Variants in WDR41 observed in about 807,000 individuals in gnomAD.
The protein encoded by WDR41 is WD repeat domain 41.
In WDR41, 63 loss-of-function variants were observed where a neutral mutation model predicts 69.3. The ratio of observed to expected loss-of-function variants is 0.91; its 90% CI spans 0.74 to 1.12. WDR41 has a LOEUF of 1.12. Among genes scored for constraint, WDR41 ranks in the 50% most tolerant of loss-of-function variants. The pLI, the probability that WDR41 is intolerant of heterozygous loss-of-function variation, is 0.00. For missense variants in WDR41, 543 were observed against 534.5 expected (o/e 1.02, Z -0.16); for synonymous variants, 185 against 192.1 (o/e 0.96, Z 0.31).
chr5:77,484,714 G>A (rs573831932), intron 2 of WDR41, among the ~76,000 whole-genome samples: 1 of 152,174 alleles, frequency 6.6e-6, no homozygotes, highest in African/African-American at 2.4e-5. Context: ...GTATGTTCAT[G>A]CAAGTTAAAA....
rs60442242 is a variant in WDR41 at position 77,442,894 on chromosome 5, CAA to C, written c.698-1899_698-1898del. ...GCGACAGAGCGAGACTCTGTCTCCC[CAA>C]AAAAAAAAAAAAAAAAAGGATTTTT... On this transcript the variant is annotated intron_variant, in intron 8 of 12. Coordinates refer to ENST00000296679, the MANE Select transcript of WDR41 (RefSeq NM_018268.4). Among the ~76,000 whole-genome samples, 49 of 56,264 alleles carry C rather than the reference CAA, an allele frequency of 8.7e-4. 1 individual carries two copies. Among genetic ancestry groups the C allele is most frequent in the South Asian group, 4.0e-3 (4 of 994 alleles). The allele number at this position is 56,264 out of a possible 152,430, so 36.9% of individuals were successfully genotyped here. A position where few individuals can be genotyped will look rare whatever the true frequency, so the allele number is the denominator to read the frequency against.
Position 77,580,083 on chromosome 5 carries a change from TAGATTAGA to T in WDR41, c.42+40388_42+40395del, listed in dbSNP as rs1287721264. Among the ~76,000 whole-genome samples, 12 of 151,900 alleles carry T rather than the reference TAGATTAGA, an allele frequency of 7.9e-5. No individual in the cohort carries two copies. In the East Asian group the frequency reaches 9.7e-4, roughly 12 times the overall value. On this transcript the variant is annotated intron_variant, in intron 1 of 5. Transcript: ENST00000509971. Reference sequence around the variant, plus strand: ...TATAAGAGTAACATTGATAGATAGATAGATTAGATAGATAGACATTATTGAAATTAAAC... The same window carrying T: ...TATAAGAGTAACATTGATAGATAGATTAGATAGACATTATTGAAATTAAAC...
At chr5:77,552,518 T>C (rs1319462648) in intron 1 of WDR41, among the ~76,000 whole-genome samples, 1 of 152,222 alleles carries the variant, frequency 6.6e-6, no homozygotes, top group Non-Finnish European at 1.5e-5. Context: ...CAATATTTTT[T>C]TCATAGACCG....
rs143614449 is a variant in WDR41, at chr5:77,466,010, G to A, written c.168-1201C>T. On this transcript the variant is annotated intron_variant, in intron 2 of 12. Coordinates refer to ENST00000296679, the MANE Select transcript of WDR41 (RefSeq NM_018268.4). ...CAGTTCTTATTTCAAAATCCTTTGA[G>A]TACATCTACTACTGGTAGAACCAAG... Among the ~76,000 whole-genome samples, 915 of 151,928 alleles carry A rather than the reference G, an allele frequency of 6.0e-3. 6 individuals are homozygous for A. The highest frequency in any genetic ancestry group is 0.011 in the South Asian group (53 of 4,818).
chr5:77,602,809 GT>G (rs1744348574), intron 1 of WDR41, among the ~76,000 whole-genome samples: 1 of 151,946 alleles, frequency 6.6e-6, no homozygotes, highest in African/African-American at 2.4e-5. Context: ...TCTACTTTTA[GT>G]TTTTTGTTTG....
At chr5:77,585,893 G>A (rs1239750641) in intron 1 of WDR41, among the ~76,000 whole-genome samples, 1 of 152,064 alleles carries the variant, frequency 6.6e-6, no homozygotes, top group Non-Finnish European at 1.5e-5. Context: ...TGGGTGATGA[G>A]TGCACCAAAA....
chr5:77,567,062 A>T (rs1743645810), intron 1 of WDR41, among the ~76,000 whole-genome samples: 1 of 152,166 alleles, frequency 6.6e-6, no homozygotes, highest in Non-Finnish European at 1.5e-5. Context: ...GCTAAAAACA[A>T]ATGAGGTAGA....
intron 8 of WDR41, 42 bp from the exon 9 acceptor site, chr5:77,441,039 CT>C (rs769873644): frequency 2.6e-5 from 42 of 1,598,954 alleles, no homozygotes; most frequent in Non-Finnish European, 3.3e-5. Context: ...ATCATTTTAT[CT>C]ATGTAAAGAT....
At chr5:77,511,333 T>C (rs2112172760) in intron 1 of WDR41, among the ~76,000 whole-genome samples, 1 of 152,344 alleles carries the variant, frequency 6.6e-6, no homozygotes, top group African/African-American at 2.4e-5. Context: ...TGTGCATTCC[T>C]ACTAATGAGT....
intron 2 of WDR41, among the ~76,000 whole-genome samples, chr5:77,466,992 A>C (rs1561747666): frequency 1.3e-5 from 2 of 151,818 alleles, no homozygotes; most frequent in Non-Finnish European, 1.5e-5. Context: ...GATAACAAAA[A>C]ACTAGCTATA....
At chr5:77,485,640 T>A (rs185183443) in intron 2 of WDR41, among the ~76,000 whole-genome samples, 1 of 152,322 alleles carries the variant, frequency 6.6e-6, no homozygotes, top group East Asian at 1.9e-4. Flanking sequence ...GCTAGAGTAT[T>A]ACATGAAATT....
intron 2 of WDR41, among the ~76,000 whole-genome samples, chr5:77,482,438 T>A (rs1471319824): frequency 6.6e-6 from 1 of 152,202 alleles, no homozygotes; most frequent in Non-Finnish European, 1.5e-5. Context: ...TTCTAATGAT[T>A]TTTTTCTCCA....
chr5:77,517,597 T>G (rs2112184564), intron 1 of WDR41, among the ~76,000 whole-genome samples: 1 of 149,038 alleles, frequency 6.7e-6, no homozygotes, highest in Admixed American at 6.7e-5. Flanking sequence ...ACTAGAAAAT[T>G]CTAACATATT....
chr5:77,514,024 T>C (rs912693759), intron 1 of WDR41, among the ~76,000 whole-genome samples: 5 of 152,140 alleles, frequency 3.3e-5, no homozygotes, highest in Non-Finnish European at 5.9e-5. Flanking sequence ...CTTCCCTACA[T>C]GTGTTATGCT....
intron 1 of WDR41, among the ~76,000 whole-genome samples, chr5:77,560,716 A>T (rs1041563265): frequency 2.0e-5 from 3 of 152,202 alleles, no homozygotes; most frequent in Non-Finnish European, 4.4e-5. Flanking sequence ...TAAAATGAAT[A>T]ATTTATATCA....
intron 6 of WDR41, chr5:77,452,927 G>C (rs781229744): frequency 6.6e-6 from 1 of 152,114 alleles, no homozygotes; most frequent in Non-Finnish European, 1.5e-5. Context: ...GTGAAAGAGA[G>C]AGAAAAATGA....
At chr5:77,603,660 T>A (rs1744364138) in intron 1 of WDR41, among the ~76,000 whole-genome samples, 1 of 152,238 alleles carries the variant, frequency 6.6e-6, no homozygotes, top group African/African-American at 2.4e-5. Context: ...GACCAATGTC[T>A]TGAGGTGTTT....
At chr5:77,458,958 T>G in intron 5 of WDR41, 104 bp downstream of exon 5, 2 of 772,896 alleles carry the variant, frequency 2.6e-6, no homozygotes, top group East Asian at 2.6e-5. Context: ...TGGAAAGAAA[T>G]AATTCATAAG....
At chr5:77,464,922 A>C in intron 2 of WDR41, 113 bp from the exon 3 acceptor site, 1 of 1,035,850 alleles carries the variant, frequency 9.7e-7, no homozygotes, top group South Asian at 1.5e-5. Flanking sequence ...ACGAAGATCA[A>C]GTTATTTCAG....
Sources: gnomAD v4.1 joint callset for allele counts (sites outside exome capture counted in the v4.1 genomes callset) on GRCh38, gnomAD v4.1.1 for gene constraint, MANE v1.5 for transcripts, NCBI Gene and HGNC (gene_info 2026-07-23, HGNC 2026-07-21) for gene names.